The following TGFB2 variants were observed in gnomAD, a reference collection of about 807,000 sequenced individuals.
TGFB2 encodes transforming growth factor beta 2, also known as transforming growth factor beta-2 proprotein.
A neutral mutation model predicts 42.7 loss-of-function variants in TGFB2; 13 were observed. The ratio of observed to expected loss-of-function variants is 0.30; its 90% CI spans 0.20 to 0.48. The LOEUF (loss-of-function observed/expected upper bound fraction) is 0.48, where lower values mean the gene tolerates loss of function less well. Ranked by LOEUF, TGFB2 falls within the 20% of genes least tolerant of loss-of-function variation. The probability of loss-of-function intolerance (pLI) is 0.99; values close to 1 mark genes in which losing one functional copy is unlikely to be tolerated. For synonymous variants in TGFB2, 193 were observed against 193.6 expected, an observed-to-expected ratio of 1.00 and a Z score of 0.03; for missense variants, 390 against 517.5, an observed-to-expected ratio of 0.75 and a Z score of 2.39.
chr1:218,365,373 C>A (rs1019159048), intron 1 of TGFB2, among the ~76,000 whole-genome samples: 1 of 152,186 alleles, frequency 6.6e-6, no homozygotes, highest in Admixed American at 6.5e-5. Flanking sequence ...GTTCTTCGGG[C>A]GGTTTTTCTT....
At chr1:218,422,001 G>T (rs1400742036) in intron 2 of TGFB2, among the ~76,000 whole-genome samples, 1 of 152,110 alleles carries the variant, frequency 6.6e-6, no homozygotes, top group Non-Finnish European at 1.5e-5. Flanking sequence ...CAGACTTCTA[G>T]CCCCCAGATT....
At chr1:218,437,279 G>A in intron 5 of TGFB2, 64 bp from the exon 6 acceptor site, 5 of 1,467,350 alleles carry the variant, frequency 3.4e-6, no homozygotes, top group Non-Finnish European at 4.6e-6. Flanking sequence ...GTGAGGTGGT[G>A]GTAGAGTGAG....
At chr1:218,416,244 C>A (rs1659275401) in intron 2 of TGFB2, among the ~76,000 whole-genome samples, 1 of 151,996 alleles carries the variant, frequency 6.6e-6, no homozygotes, top group African/African-American at 2.4e-5. Context: ...TCCACCACCA[C>A]ACAAATAGGT....
chr1:218,351,637 A>G (rs761590299), intron 1 of TGFB2, among the ~76,000 whole-genome samples: 9 of 151,848 alleles, frequency 5.9e-5, no homozygotes, highest in African/African-American at 7.3e-5. Context: ...TCCTGAGGAG[A>G]CCCCACCCGA....
chr1:218,422,174 C>T (rs774631137), intron 2 of TGFB2, among the ~76,000 whole-genome samples: 16 of 146,126 alleles, frequency 1.1e-4, no homozygotes, highest in Non-Finnish European at 2.0e-4. Context: ...TGCCTTCCTT[C>T]CTTCCTTCTT....
chr1:218,408,947 C>A (rs1466394619), intron 2 of TGFB2, among the ~76,000 whole-genome samples: 1 of 152,310 alleles, frequency 6.6e-6, no homozygotes, highest in East Asian at 1.9e-4. Flanking sequence ...TGTTTTCCTG[C>A]AACTATATAT....
At chr1:218,361,357 G>A (rs1378336950) in intron 1 of TGFB2, among the ~76,000 whole-genome samples, 1 of 152,192 alleles carries the variant, frequency 6.6e-6, no homozygotes, top group Non-Finnish European at 1.5e-5. Context: ...ATAGCAGAGT[G>A]AAAGTAAACC....
intron 1 of TGFB2, among the ~76,000 whole-genome samples, chr1:218,400,291 T>G (rs1422330900): frequency 6.6e-6 from 1 of 152,184 alleles, no homozygotes; most frequent in African/African-American, 2.4e-5. Context: ...ATGGTCTCCC[T>G]CTCTCTGTCT....
intron 2 of TGFB2, among the ~76,000 whole-genome samples, chr1:218,422,091 A>G (rs1480995010): frequency 3.9e-5 from 6 of 152,200 alleles, no homozygotes; most frequent in African/African-American, 1.4e-4. Flanking sequence ...CCATACACCT[A>G]TCAAGCCAAC....
chr1:218,432,679 A>G (rs1659844310), intron 2 of TGFB2, among the ~76,000 whole-genome samples: 1 of 152,248 alleles, frequency 6.6e-6, no homozygotes, highest in East Asian at 1.9e-4. Context: ...TTTAATAGAT[A>G]TTGATTCAAT....
intron 1 of TGFB2, among the ~76,000 whole-genome samples, chr1:218,380,266 T>C (rs757878497): frequency 7.2e-5 from 11 of 152,176 alleles, no homozygotes; most frequent in Non-Finnish European, 1.5e-4. Context: ...GGAATGAAAA[T>C]GGCCTAGGTT....
At chr1:218,396,041 CT>C (rs1453877816) in intron 1 of TGFB2, among the ~76,000 whole-genome samples, 2 of 152,102 alleles carry the variant, frequency 1.3e-5, no homozygotes, top group African/African-American at 4.8e-5. Context: ...TCAGGTCATT[CT>C]TTTTGGAGTA....
chr1:218,437,281 T>C, intron 5 of TGFB2, 62 bp from the exon 6 acceptor site: 1 of 1,476,178 alleles, frequency 6.8e-7, no homozygotes, highest in Non-Finnish European at 9.1e-7. Context: ...GAGGTGGTGG[T>C]AGAGTGAGGG....
intron 2 of TGFB2, among the ~76,000 whole-genome samples, chr1:218,416,124 TG>T (rs5781034): frequency 0.18 from 26,646 of 151,980 alleles, 2,495 homozygotes; most frequent in South Asian, 0.22. Context: ...AGTGCTGAAC[TG>T]GGGGCTGTGC....
chr1:218,408,176 G>T (rs911362500), intron 2 of TGFB2, among the ~76,000 whole-genome samples: 2 of 152,124 alleles, frequency 1.3e-5, no homozygotes, highest in African/African-American at 2.4e-5. Flanking sequence ...CTATTTTTCT[G>T]TGGCCCCTTG....
intron 2 of TGFB2, among the ~76,000 whole-genome samples, chr1:218,428,403 C>A (rs1659694889): frequency 6.6e-6 from 1 of 152,148 alleles, no homozygotes; most frequent in African/African-American, 2.4e-5. Flanking sequence ...GACATGAAGT[C>A]CTTGCCCATG....
chr1:218,404,094 C>A (rs1571874207), intron 1 of TGFB2, among the ~76,000 whole-genome samples: 1 of 150,736 alleles, frequency 6.6e-6, no homozygotes, highest in East Asian at 1.9e-4. Context: ...CTAAAGCAAC[C>A]CAGGAGCTTG....
At chr1:218,411,675 G>A (rs1434891869) in intron 2 of TGFB2, among the ~76,000 whole-genome samples, 3 of 151,964 alleles carry the variant, frequency 2.0e-5, no homozygotes, top group African/African-American at 4.8e-5. Context: ...TTCAAGCCTG[G>A]GCAACATGGT....
At chr1:218,362,337 C>T (rs10482735) in intron 1 of TGFB2, among the ~76,000 whole-genome samples, 3,191 of 152,282 alleles carry the variant, frequency 0.021, 73 homozygotes, top group East Asian at 0.083. Flanking sequence ...GATATTCATG[C>T]CAGGCCCTAA....
Sources: allele counts gnomAD v4.1 joint callset (sites outside exome capture counted in the v4.1 genomes callset), GRCh38; gene constraint gnomAD v4.1.1; transcripts MANE v1.5; gene names NCBI Gene and HGNC (gene_info 2026-07-23, HGNC 2026-07-21).